INPP5B: variants seen among roughly 807,000 people sequenced by gnomAD.
The protein encoded by INPP5B is type II inositol 1,4,5-trisphosphate 5-phosphatase.
Under a neutral mutation model 118.5 loss-of-function variants are expected in INPP5B, and 90 were observed. The observed-to-expected ratio is 0.76, with a 90% CI of 0.64 to 0.90. INPP5B has a LOEUF of 0.90. INPP5B is among the 40% of genes least tolerant of loss of function. The pLI, the probability that INPP5B is intolerant of heterozygous loss-of-function variation, is 0.00. For synonymous variants in INPP5B, 385 were observed against 418.9 expected (o/e 0.92, Z 0.99); for missense variants, 984 against 1,125.6 (o/e 0.87, Z 1.80).
chr1:37,872,063 CA>C (rs34131982), intron 19 of INPP5B, among the ~76,000 whole-genome samples: 7 of 58,212 alleles, frequency 1.2e-4, no homozygotes, highest in Admixed American at 4.4e-4. Flanking sequence ...GACTCCATCT[CA>C]AAAAAAAAAA....
chr1:37,938,101 T>C (rs1645767898), intron 6 of INPP5B, among the ~76,000 whole-genome samples: 1 of 150,698 alleles, frequency 6.6e-6, no homozygotes, highest in African/African-American at 2.4e-5. Flanking sequence ...TGAAACCTTG[T>C]CTCTACTAAA....
chr1:37,934,280 T>C (rs139397169), intron 6 of INPP5B, among the ~76,000 whole-genome samples: 2 of 152,286 alleles, frequency 1.3e-5, no homozygotes, highest in East Asian at 1.9e-4. Flanking sequence ...GCTTGCCTCC[T>C]CTGTGTCAAT....
chr1:37,913,492 C>T (rs1644769560), intron 7 of INPP5B, among the ~76,000 whole-genome samples: 1 of 152,108 alleles, frequency 6.6e-6, no homozygotes, highest in African/African-American at 2.4e-5. Context: ...CTTATTAGGA[C>T]CTTGTGTCTT....
At chr1:37,896,469 G>A (rs1169283723) in intron 7 of INPP5B, among the ~76,000 whole-genome samples, 1 of 150,136 alleles carries the variant, frequency 6.7e-6, no homozygotes. Flanking sequence ...CGGGAGGGAG[G>A]TGGGGGGATC....
At chr1:37,942,972 T>C (rs1023005611) in intron 5 of INPP5B, among the ~76,000 whole-genome samples, 2 of 151,924 alleles carry the variant, frequency 1.3e-5, no homozygotes, top group Admixed American at 6.6e-5. Context: ...ATCCATGGGA[T>C]ACAAAACAAT....
At chr1:37,927,353 C>T (rs766833560) in intron 7 of INPP5B, among the ~76,000 whole-genome samples, 2 of 151,882 alleles carry the variant, frequency 1.3e-5, no homozygotes, top group Admixed American at 6.6e-5. Flanking sequence ...ACCAATCTAC[C>T]GATTCAACTA....
Position 37,889,690 on chromosome 1 carries a change from C to T in INPP5B, c.664G>A (p.Val222Ile), listed in dbSNP as rs1287076357. 1 of 1,612,770 alleles carries T rather than the reference C, an allele frequency of 6.2e-7. No individual in the cohort carries two copies. The highest frequency in any genetic ancestry group is 1.1e-5 in the South Asian group (1 of 90,684). Residue 222 changes from valine (V) to isoleucine (I), a missense_variant, in exon 9 of 24, where the codon GTT becomes ATT. Around this residue, in one of 2 missense-constraint regions of INPP5B, gnomAD observed 350 missense variants for 334.6 expected, o/e 1.05. Coordinates refer to ENST00000373024, the MANE Select transcript of INPP5B (RefSeq NM_005540.3). ...NKSKSEITDMVRSSTITVSDK... is the reference protein window; with the variant it reads ...NKSKSEITDMIRSSTITVSDK... ...GACACTGTGATAGTGGAGGAGCGAA[C>T]CATGTCAGTAATTTCGGACTTGGAT...
At chr1:37,940,950 G>C in intron 5 of INPP5B, 152 bp from the exon 6 acceptor site, 1 of 582,694 alleles carries the variant, frequency 1.7e-6, no homozygotes. Flanking sequence ...GGGACAACAA[G>C]GAAACCCTCT....
intron 16 of INPP5B, among the ~76,000 whole-genome samples, chr1:37,876,289 A>T (rs1642798778): frequency 6.6e-6 from 1 of 151,526 alleles, no homozygotes; most frequent in East Asian, 1.9e-4. Flanking sequence ...CTTTTTGTAG[A>T]GATGAGGGGT....
At position 37,869,322 on chromosome 1, in the gene INPP5B, A is replaced by T. The variant is rs572768032; in HGVS notation, c.2188-708T>A. Among the ~76,000 whole-genome samples, 464 of 140,320 alleles carry T rather than the reference A, an allele frequency of 3.3e-3. 4 individuals are homozygous for T. The highest frequency in any genetic ancestry group is 0.011 in the East Asian group (51 of 4,766). The allele number at this position is 140,320 out of a possible 152,430, so 92.1% of individuals were successfully genotyped here. On this transcript the variant is annotated intron_variant, in intron 19 of 23. Coordinates refer to ENST00000373024, the MANE Select transcript of INPP5B (RefSeq NM_005540.3). ...TTTTTTTTTAATTGATTTTTTTTTT[A>T]AATTTTGAGGTGGGGTCTCGCTATG...
intron 7 of INPP5B, among the ~76,000 whole-genome samples, chr1:37,916,696 G>A (rs555571786): frequency 8.9e-4 from 136 of 152,182 alleles, no homozygotes; most frequent in Non-Finnish European, 1.4e-3. Flanking sequence ...GATTACAGGC[G>A]TGAACCACTG....
intron 16 of INPP5B, among the ~76,000 whole-genome samples, chr1:37,877,942 G>A (rs186781472): frequency 3.9e-5 from 6 of 152,168 alleles, no homozygotes; most frequent in African/African-American, 4.8e-5. Flanking sequence ...ATTTATAAAC[G>A]CATAGAGAAA....
chr1:37,866,543 C>T lies in INPP5B; in HGVS notation c.2302G>A (p.Glu768Lys). The change falls in exon 21 of 24, where the codon GAA (glutamate) becomes AAA (lysine). Residue 768 changes from glutamate to lysine, a missense_variant and splice_region_variant. Physicochemically the swap from Glu to Lys is moderately conservative, Grantham distance 56. Coordinates refer to ENST00000373024, the MANE Select transcript of INPP5B (RefSeq NM_005540.3). ...AGGCCTGGTTGCTGAAACAGATCTT[C>T]CTGCAAAAGGGAAGACAGTAACAAA... ...DYLYRNAVQQ[E>K]DLFQQPGLRS... 1.3e-6 allele frequency: 2 copies of T among 1,578,208 alleles called. No homozygotes were observed. The highest frequency in any genetic ancestry group is 1.3e-5 in the African/African-American group (1 of 74,336).
At chr1:37,930,994 C>G (rs894916803) in intron 7 of INPP5B, 1 of 154,876 alleles carries the variant, frequency 6.5e-6, no homozygotes, top group Non-Finnish European at 1.4e-5. Context: ...AAAGACAGGT[C>G]TGCAGGTCCT....
chr1:37,927,819 G>C (rs778775547), intron 7 of INPP5B, among the ~76,000 whole-genome samples: 4 of 152,074 alleles, frequency 2.6e-5, no homozygotes, highest in Non-Finnish European at 5.9e-5. Flanking sequence ...TTACAGGCGT[G>C]AGCCACTGCG....
chr1:37,936,563 G>A (rs1645701042), intron 6 of INPP5B, among the ~76,000 whole-genome samples: 1 of 152,022 alleles, frequency 6.6e-6, no homozygotes, highest in Non-Finnish European at 1.5e-5. Flanking sequence ...GGAGGTTGTA[G>A]TGATACAAGA....
chr1:37,930,684 G>A (rs1281498425), intron 7 of INPP5B: 1 of 152,244 alleles, frequency 6.6e-6, no homozygotes, highest in Non-Finnish European at 1.5e-5. Flanking sequence ...TGGCTGCAAT[G>A]AAGGAGAAAC....
intron 23 of INPP5B, among the ~76,000 whole-genome samples, chr1:37,863,698 CACACACACATGCACACACAA>C: frequency 6.6e-6 from 1 of 151,866 alleles, no homozygotes; most frequent in Admixed American, 6.6e-5. Context: ...AGCACACACA[CACACACACATGCACACACAA>C]ACACACACGC....
Position 37,882,919 on chromosome 1 carries a change from C to T in INPP5B, c.1320-1G>A. ...GAGGTCCCCCAGCCACAAGATCACA[C>T]TGTGAGGACAGAGCACAAAGGTAAC... On this transcript the variant is annotated splice_acceptor_variant, in intron 13 of 23. Coordinates refer to ENST00000373024, the MANE Select transcript of INPP5B (RefSeq NM_005540.3). LOFTEE classifies it high-confidence loss of function. The T allele has an allele frequency of 6.2e-7, 1 of 1,614,130 alleles. No individual in the cohort carries two copies. Among genetic ancestry groups the T allele is most frequent in the Non-Finnish European group, 8.5e-7 (1 of 1,179,986 alleles).
Sources: gnomAD v4.1 joint callset for allele counts (sites outside exome capture counted in the v4.1 genomes callset) on GRCh38, gnomAD v4.1.1 for gene constraint, gnomAD v4.1.1 regional missense constraint, MANE v1.5 for transcripts, NCBI Gene and HGNC (gene_info 2026-07-23, HGNC 2026-07-21) for gene names.